Variants in SBF1 observed in about 807,000 individuals in gnomAD.
The protein encoded by SBF1 is myotubularin-related protein 5.
SBF1 carries 65 observed loss-of-function variants against 215.8 expected under a neutral mutation model. The observed-to-expected ratio is 0.30, with a 90% CI of 0.25 to 0.37. The LOEUF is 0.37. Among genes scored for constraint, SBF1 ranks in the 10% least tolerant of loss-of-function variants. The pLI, the probability that SBF1 is intolerant of heterozygous loss-of-function variation, is 1.00. For missense variants in SBF1, 2,634 were observed against 2,667.8 expected (o/e 0.99, Z 0.28); for synonymous variants, 1,410 against 1,122.8 (o/e 1.26, Z -5.11).
At position 50,467,329 on chromosome 22, in the gene SBF1, A is replaced by G. The variant is rs2067810887; in HGVS notation, c.549+9T>C. ...GGCTGTGCAGATACCAGCTGCCTCC[A>G]AAACTCACCTGCGAGCCCCCAGCCA... On this transcript the variant is annotated intron_variant, in intron 5 of 40. Coordinates refer to ENST00000380817, the MANE Select transcript of SBF1 (RefSeq NM_002972.4). 7 of 1,612,582 alleles carry G rather than the reference A, an allele frequency of 4.3e-6. No homozygotes were observed. Among genetic ancestry groups the G allele is most frequent in the Non-Finnish European group, 5.9e-6 (7 of 1,178,842 alleles).
chr22:50,466,526 C>A (rs2067764828), intron 6 of SBF1, 44 bp from the exon 7 acceptor site: 4 of 1,530,314 alleles, frequency 2.6e-6, no homozygotes, highest in African/African-American at 1.4e-5. Flanking sequence ...GGGCCCCCAC[C>A]CAGGCAGAGT....
rs2067698041 is a variant in SBF1, at chr22:50,465,249, C to T, written c.1169G>A (p.Arg390His). Residue 390 changes from arginine (R) to histidine (H), a missense_variant, in exon 11 of 41, where the codon CGC becomes CAC. Transcript: ENST00000380817. Reference sequence around the variant, plus strand: ...GCGGATGACAGGCTCCGGGTGGATGCGCACGACGTGCAGGCACCAGCGATA... The same window carrying T: ...GCGGATGACAGGCTCCGGGTGGATGTGCACGACGTGCAGGCACCAGCGATA... Reference protein sequence around the residue: ...QGYRWCLHVVRIHPEPVIRFH... With the variant: ...QGYRWCLHVVHIHPEPVIRFH... 6.2e-7 allele frequency: 1 copy of T among 1,611,916 alleles called. No homozygotes were observed. The highest frequency in any genetic ancestry group is 1.1e-5 in the South Asian group (1 of 90,772).
chr22:50,452,814 G>A (rs1424197527), intron 36 of SBF1, among the ~76,000 whole-genome samples: 1 of 150,046 alleles, frequency 6.7e-6, no homozygotes, highest in Non-Finnish European at 1.5e-5. Context: ...GACAGGAAAG[G>A]CATGAATGGA....
Position 50,447,260 on chromosome 22 carries a change from T to C in SBF1, c.5584-20A>G, listed in dbSNP as rs1461045475. The C allele has an allele frequency of 6.2e-7, 1 of 1,613,710 alleles. No individual in the cohort carries two copies. Among genetic ancestry groups the C allele is most frequent in the Admixed American group, 1.7e-5 (1 of 60,018 alleles). On this transcript the variant is annotated intron_variant, in intron 40 of 40. Transcript: ENST00000380817. ...CTTCACCTGGGGAAGGGCGGGTTAC[T>C]GACTCCGCAGCCCCCACACCGCAGA...
Position 50,465,046 on chromosome 22 carries a change from C to A in SBF1, c.1287G>T (p.Val429=), listed in dbSNP as rs2148598105. The part of the protein sequence containing the change: ...VLEGMAFAGF[V]SERGVPYRPT... Reference sequence around the variant, plus strand: ...GGCGGTATGGGACCCCACGCTCTGACACAAAGCCAGCAAAGGCCATGCCCT... The same window carrying A: ...GGCGGTATGGGACCCCACGCTCTGAAACAAAGCCAGCAAAGGCCATGCCCT... The change falls in exon 12 of 41, where the codon GTG becomes GTT. Residue 429 remains valine, a synonymous_variant. Coordinates refer to ENST00000380817, the MANE Select transcript of SBF1 (RefSeq NM_002972.4). 1.9e-6 allele frequency: 3 copies of A among 1,614,122 alleles called. No homozygotes were observed. Among genetic ancestry groups the A allele is most frequent in the Non-Finnish European group, 2.5e-6 (3 of 1,180,002 alleles).
At chr22:50,464,280 C>G (rs902377364) in intron 15 of SBF1, 49 bp downstream of exon 15, 1 of 1,479,608 alleles carries the variant, frequency 6.8e-7, no homozygotes, top group African/African-American at 1.4e-5. Context: ...GCCTGGGTCT[C>G]CTCTGAAACC....
At position 50,464,732 on chromosome 22, in the gene SBF1, G is replaced by T; in HGVS notation, c.1438C>A (p.Pro480Thr). ...TTGTGCATCGCCACGGCTGGGTACGGGTTCTCCTGTGGGGAGACGGCAGGT... is the reference window on the plus strand; with the variant it reads ...TTGTGCATCGCCACGGCTGGGTACGTGTTCTCCTGTGGGGAGACGGCAGGT... ...LAEQLYKNENPYPAVAMHKVQ... is the reference protein window; with the variant it reads ...LAEQLYKNENTYPAVAMHKVQ... Residue 480 changes from proline to threonine, a missense_variant, in exon 14 of 41, where the codon CCG becomes ACG. By Grantham distance (38) the Pro-to-Thr change is conservative (BLOSUM62 -1). Transcript: ENST00000380817. 1 of 1,607,874 alleles carries T rather than the reference G, an allele frequency of 6.2e-7. No homozygotes were observed. The highest frequency in any genetic ancestry group is 8.5e-7 in the Non-Finnish European group (1 of 1,177,838).
In SBF1 at chr22:50,459,352, C is replaced by G; in HGVS notation, c.3729G>C (p.Lys1243Asn). The change falls in exon 28 of 41, where the codon AAG (lysine) becomes AAC (asparagine). Residue 1243 changes from lysine to asparagine, a missense_variant. Coordinates refer to ENST00000380817, the MANE Select transcript of SBF1 (RefSeq NM_002972.4). The part of the protein sequence containing the change: ...QADSSSLEQE[K>N]YLQAVVSSMP... ...TGGAGCTGACCACAGCCTGCAGGTA[C>G]TTCTCCTGCTCCAGGCTACTCGAGT... 6.2e-7 allele frequency: 1 copy of G among 1,612,798 alleles called. No homozygotes were observed. Among genetic ancestry groups the G allele is most frequent in the Middle Eastern group, 1.7e-4 (1 of 6,054 alleles).
chr22:50,455,085 C>T lies in SBF1; in HGVS notation c.4612G>A (p.Gly1538Ser), dbSNP rs200471909. Residue 1538 changes from glycine (G) to serine (S), a missense_variant, in exon 34 of 41, where the codon GGC becomes AGC. Coordinates refer to ENST00000380817, the MANE Select transcript of SBF1 (RefSeq NM_002972.4). The part of the protein sequence containing the change: ...EFSQFYLKFL[G>S]YHHVSRRFRT... ...AAACGGCGGGACACATGGTGGTAGC[C>T]GAGGAACTTGAGGTAGAACTGGCTG... 2.9e-4 allele frequency: 460 copies of T among 1,613,946 alleles called. 1 individual carries two copies. Among genetic ancestry groups the T allele is most frequent in the Non-Finnish European group, 3.8e-4 (446 of 1,180,022 alleles).
chr22:50,448,752 C>T (rs2066932323), intron 36 of SBF1, 102 bp from the exon 37 acceptor site: 1 of 881,126 alleles, frequency 1.1e-6, no homozygotes, highest in Admixed American at 2.2e-5. Flanking sequence ...ACGGAAAGGC[C>T]TAACGCGTGT....
chr22:50,460,896 G>A (rs1407669907), intron 23 of SBF1, among the ~76,000 whole-genome samples, 184 bp from the exon 24 acceptor site: 6 of 152,244 alleles, frequency 3.9e-5, no homozygotes, highest in Admixed American at 2.6e-4. Context: ...CTCAGTGGCT[G>A]TGAGCTGAGG....
chr22:50,452,822 G>A (rs966855436), intron 36 of SBF1, among the ~76,000 whole-genome samples: 1 of 150,514 alleles, frequency 6.6e-6, no homozygotes, highest in Non-Finnish European at 1.5e-5. Flanking sequence ...AGGCATGAAT[G>A]GACACACACT....
chr22:50,473,530 G>C (rs574990983), intron 1 of SBF1, among the ~76,000 whole-genome samples: 5 of 152,210 alleles, frequency 3.3e-5, no homozygotes, highest in Non-Finnish European at 7.3e-5. Flanking sequence ...CACACACTTG[G>C]ATAGACATGA....
chr22:50,447,754 T>C, intron 38 of SBF1, 145 bp from the exon 39 acceptor site: 1 of 621,664 alleles, frequency 1.6e-6, no homozygotes, highest in Non-Finnish European at 2.8e-6. Context: ...CCCAGAGCAC[T>C]GGCCAGGGGG....
intron 36 of SBF1, 90 bp from the exon 37 acceptor site, chr22:50,448,740 C>G: frequency 1.9e-6 from 2 of 1,051,642 alleles, no homozygotes; most frequent in Non-Finnish European, 2.9e-6. Context: ...GAAAGAGACA[C>G]AACGGAAAGG....
At position 50,458,168 on chromosome 22, in the gene SBF1, G is replaced by A. The variant is rs898810070; in HGVS notation, c.3827-1057C>T. ...CAATACAAAAAAATCAGCCGGGCGC[G>A]GTGGCGGGCACCTGTAGTCCCAGCT... On this transcript the variant is annotated intron_variant, in intron 28 of 40. Coordinates refer to ENST00000380817, the MANE Select transcript of SBF1 (RefSeq NM_002972.4). Among the ~76,000 whole-genome samples, 62 of 152,122 alleles carry A rather than the reference G, an allele frequency of 4.1e-4. 1 individual carries two copies. The highest frequency in any genetic ancestry group is 7.2e-4 in the Admixed American group (11 of 15,260).
At chr22:50,469,032 G>A (rs905328319) in intron 1 of SBF1, among the ~76,000 whole-genome samples, 3 of 152,178 alleles carry the variant, frequency 2.0e-5, no homozygotes, top group African/African-American at 7.2e-5. Context: ...CCCCAGTACA[G>A]GTCCCAGAAG....
At position 50,466,448 on chromosome 22, in the gene SBF1, G is replaced by A; in HGVS notation, c.690C>T (p.Ala230=). Residue 230 remains alanine, a synonymous_variant, in exon 7 of 41, where the codon GCC becomes GCT. Transcript: ENST00000380817. ...GGAAGAGAACCTTGTGCTCCGTGAG[G>A]GCGGCACAGAACAAAGACAGCACGT... ...ITNVLSLFCA[A]LTEHKVLFLS... 1 of 1,552,110 alleles carries A rather than the reference G, an allele frequency of 6.4e-7. No individual in the cohort carries two copies.
chr22:50,456,926 A>T, intron 29 of SBF1, 108 bp downstream of exon 29: 2 of 956,600 alleles, frequency 2.1e-6, no homozygotes, highest in Non-Finnish European at 2.9e-6. Context: ...ACGGGTCGTT[A>T]GTGTCAGGTG....
Sources: allele counts gnomAD v4.1 joint callset (sites outside exome capture counted in the v4.1 genomes callset), GRCh38; gene constraint gnomAD v4.1.1; transcripts MANE v1.5; gene names NCBI Gene and HGNC (gene_info 2026-07-23, HGNC 2026-07-21).